Variants in ACADSB observed in about 807,000 individuals in gnomAD.
ACADSB encodes short/branched chain specific acyl-CoA dehydrogenase, mitochondrial.
ACADSB carries 40 observed loss-of-function variants against 54.1 expected under a neutral mutation model. The observed-to-expected ratio is 0.74, with a 90% CI of 0.57 to 0.96. The LOEUF is 0.96. Ranked by LOEUF, ACADSB falls within the 40% of genes least tolerant of loss-of-function variation. The pLI is 0.00. For missense variants in ACADSB, 530 were observed against 510.4 expected (o/e 1.04, Z -0.37); for synonymous variants, 182 against 182.8 (o/e 1.00, Z 0.03).
In ACADSB at chr10:123,056,096, C is replaced by G. The variant is rs7079265; in HGVS notation, c.*2331C>G. On this transcript the variant is annotated 3_prime_UTR_variant, in exon 11 of 11. Coordinates refer to ENST00000358776, the MANE Select transcript of ACADSB (RefSeq NM_001609.4). The stretch of plus-strand genomic sequence containing the variant: ...TCTGAGCCCTTCAAACTGTTCCAAC[C>G]TCTGCCTGTTACCCAGTTCCAAACT... 31,773 of 156,830 alleles carry G rather than the reference C, an allele frequency of 0.2. 3,505 individuals are homozygous for G. Among genetic ancestry groups the G allele is most frequent in the South Asian group, 0.28 (1,435 of 5,106 alleles). The allele number at this position is 156,830 out of a possible 1,614,324, so 9.7% of individuals were successfully genotyped here.
In ACADSB at chr10:123,052,066, T is replaced by C. The variant is rs1197940667; in HGVS notation, c.1128+880T>C. 6.6e-6 allele frequency among the ~76,000 whole-genome samples: 1 copy of C among 152,188 alleles called. No homozygotes were observed. Among genetic ancestry groups the C allele is most frequent in the East Asian group, 1.9e-4 (1 of 5,194 alleles). On this transcript the variant is annotated intron_variant, in intron 9 of 10. Coordinates refer to ENST00000358776, the MANE Select transcript of ACADSB (RefSeq NM_001609.4). The surrounding 1 kb of genome is among the most constrained non-coding windows in gnomAD (Gnocchi z 4.2). ...TTCCTCCCATCCAGCCTCTCTCCTT[T>C]TTCAAAGTGGCAGTGAGGCCATGTC...
chr10:123,051,230 C>CTTTTT, intron 9 of ACADSB, 44 bp downstream of exon 9: 7 of 985,416 alleles, frequency 7.1e-6, no homozygotes, highest in South Asian at 1.9e-5. Flanking sequence ...GTAATTCAGC[C>CTTTTT]TTTTTTTTTT....
chr10:123,057,306 A>C lies in ACADSB; in HGVS notation c.*3541A>C, dbSNP rs539100671. On this transcript the variant is annotated 3_prime_UTR_variant, in exon 11 of 11. Coordinates refer to ENST00000358776, the MANE Select transcript of ACADSB (RefSeq NM_001609.4). ...TATGTATATTTTGTGCATATTCACC[A>C]ATAACAGTTAAAATTAATTATGTGT... 1.3e-5 allele frequency: 2 copies of C among 152,272 alleles called. No individual in the cohort carries two copies. Among genetic ancestry groups the C allele is most frequent in the Non-Finnish European group, 2.9e-5 (2 of 68,048 alleles). 9.4% of individuals were successfully genotyped at this position (152,272 alleles called of 1,614,324 possible). A position where few individuals can be genotyped will look rare whatever the true frequency, so the allele number is the denominator to read the frequency against.
intron 1 of ACADSB, chr10:123,027,560 A>G (rs1384136436): frequency 8.8e-6 from 4 of 455,432 alleles, no homozygotes; most frequent in Admixed American, 2.4e-5. Context: ...GCCTCCTGCC[A>G]TGGTTCAGAG....
rs1456965720 is a variant in ACADSB, at chr10:123,054,437, A to T, written c.*672A>T. 1 of 152,236 alleles carries T rather than the reference A, an allele frequency of 6.6e-6. No individual in the cohort carries two copies. The highest frequency in any genetic ancestry group is 2.4e-5 in the African/African-American group (1 of 41,464). The allele number at this position is 152,236 out of a possible 1,614,324, so 9.4% of individuals were successfully genotyped here. On this transcript the variant is annotated 3_prime_UTR_variant, in exon 11 of 11. Coordinates refer to ENST00000358776, the MANE Select transcript of ACADSB (RefSeq NM_001609.4). ...ATAGAAATAGTTTATATTCCTATTA[A>T]ATCTTAATCTTGTGGCATCAGGGAA... is the stretch of plus-strand genomic sequence containing the variant.
At chr10:123,031,410 A>C (rs983253743) in intron 1 of ACADSB, among the ~76,000 whole-genome samples, 1 of 152,250 alleles carries the variant, frequency 6.6e-6, no homozygotes, top group Non-Finnish European at 1.5e-5. Context: ...AATAGCCATT[A>C]TTCCATTCAA....
At position 123,054,036 on chromosome 10, in the gene ACADSB, A is replaced by G. The variant is rs1022083451; in HGVS notation, c.*271A>G. 2 of 504,878 alleles carry G rather than the reference A, an allele frequency of 4.0e-6. No homozygotes were observed. Among genetic ancestry groups the G allele is most frequent in the East Asian group, 3.6e-5 (1 of 27,428 alleles). The allele number at this position is 504,878 out of a possible 1,614,324, so 31.3% of individuals were successfully genotyped here. On this transcript the variant is annotated 3_prime_UTR_variant, in exon 11 of 11. Transcript: ENST00000358776. ...TTTTTAAAGCTGTATACGCATACAT[A>G]TATATATTTTTACTCTGTCTTACTC...
At chr10:123,009,643 C>G (rs1027463328) in intron 1 of ACADSB, among the ~76,000 whole-genome samples, 1 of 152,170 alleles carries the variant, frequency 6.6e-6, no homozygotes, top group Admixed American at 6.5e-5. Context: ...ATGTCTGGAG[C>G]CTGGGTATCT....
chr10:123,045,222 A>C (rs1268656799), intron 7 of ACADSB, among the ~76,000 whole-genome samples: 1 of 106,104 alleles, frequency 9.4e-6, no homozygotes, highest in African/African-American at 3.7e-5. Flanking sequence ...TCTGTTGCCC[A>C]GGCCGGAGTG....
At chr10:123,042,011 G>A (rs2133482390) in intron 5 of ACADSB, among the ~76,000 whole-genome samples, 1 of 149,594 alleles carries the variant, frequency 6.7e-6, no homozygotes, top group East Asian at 2.0e-4. Flanking sequence ...TATCTCCTAG[G>A]CTGGAGTGCA....
chr10:123,057,064 C>A lies in ACADSB; in HGVS notation c.*3299C>A, dbSNP rs116019965. The A allele has an allele frequency of 6.5e-6, 1 of 152,704 alleles. No individual in the cohort carries two copies. The allele number at this position is 152,704 out of a possible 1,614,324, so 9.5% of individuals were successfully genotyped here. Reference sequence around the variant, plus strand: ...ACATGGATGAAATGCCCTACAGGGGCCTTGGACATCTTTAATTTCTGCGAT... The same window carrying A: ...ACATGGATGAAATGCCCTACAGGGGACTTGGACATCTTTAATTTCTGCGAT... On this transcript the variant is annotated 3_prime_UTR_variant, in exon 11 of 11. Coordinates refer to ENST00000358776, the MANE Select transcript of ACADSB (RefSeq NM_001609.4).
At chr10:123,012,784 A>G (rs1348223382) in intron 1 of ACADSB, among the ~76,000 whole-genome samples, 2 of 152,176 alleles carry the variant, frequency 1.3e-5, no homozygotes, top group African/African-American at 4.8e-5. Flanking sequence ...CAGCGGCAAG[A>G]TTTATTGCAA....
At chr10:123,038,546 A>G (rs1850428740) in intron 3 of ACADSB, among the ~76,000 whole-genome samples, 1 of 152,162 alleles carries the variant, frequency 6.6e-6, no homozygotes, top group Non-Finnish European at 1.5e-5. Flanking sequence ...AAATCACTGC[A>G]CGCATCATTT....
At chr10:123,030,882 A>G (rs1850317930) in intron 1 of ACADSB, among the ~76,000 whole-genome samples, 1 of 152,242 alleles carries the variant, frequency 6.6e-6, no homozygotes. Context: ...AGTAAAGTTT[A>G]TAGACCTTTT....
Position 123,037,783 on chromosome 10 carries a change from T to G in ACADSB, c.239T>G (p.Val80Gly). ...GCTCAGGAACAAATTGCACCTTTGGTTTCAACCATGGATGAAAATTCGAAA... is the reference window on the plus strand; with the variant it reads ...GCTCAGGAACAAATTGCACCTTTGGGTTCAACCATGGATGAAAATTCGAAA... ...KFAQEQIAPL[V>G]STMDENSKME... The change falls in exon 3 of 11, where the codon GTT becomes GGT. Residue 80 changes from valine (V) to glycine (G), a missense_variant. Transcript: ENST00000358776. 6.2e-7 allele frequency: 1 copy of G among 1,612,546 alleles called. No homozygotes were observed. The highest frequency in any genetic ancestry group is 8.5e-7 in the Non-Finnish European group (1 of 1,178,768).
intron 8 of ACADSB, among the ~76,000 whole-genome samples, chr10:123,050,281 T>C (rs767317542): frequency 3.3e-5 from 5 of 152,210 alleles, no homozygotes; most frequent in Non-Finnish European, 5.9e-5. Flanking sequence ...TGCTGGACTA[T>C]GTATTATAAA....
rs1161316067 is a variant in ACADSB at position 123,052,213 on chromosome 10, T to G, written c.1129-848T>G. On this transcript the variant is annotated intron_variant, in intron 9 of 10. Transcript: ENST00000358776. This position sits in a 1 kb window ranked among gnomAD's most constrained non-coding sequence, Gnocchi z 4.2. ...GGGGACCTAAAACAACGCAGTTTCA[T>G]TTTCTGTCACTTCTAGAGGTCAGAA... Among the ~76,000 whole-genome samples, 1 of 152,202 alleles carries G rather than the reference T, an allele frequency of 6.6e-6. No individual in the cohort carries two copies. The highest frequency in any genetic ancestry group is 2.4e-5 in the African/African-American group (1 of 41,462).
At chr10:123,012,859 G>A (rs1436825428) in intron 1 of ACADSB, among the ~76,000 whole-genome samples, 3 of 152,140 alleles carry the variant, frequency 2.0e-5, no homozygotes, top group Admixed American at 6.5e-5. Flanking sequence ...CTGCTGGCTC[G>A]GCAGCCTGAT....
At chr10:123,034,942 T>C (rs1850377527) in intron 2 of ACADSB, among the ~76,000 whole-genome samples, 1 of 146,484 alleles carries the variant, frequency 6.8e-6, no homozygotes, top group South Asian at 2.2e-4. Context: ...TTTCTTTCTT[T>C]CTTTCTTTTT....
Sources: allele counts gnomAD v4.1 joint callset (sites outside exome capture counted in the v4.1 genomes callset), GRCh38; gene constraint gnomAD v4.1.1; non-coding constraint Gnocchi (gnomAD v3.1); transcripts MANE v1.5; gene names NCBI Gene and HGNC (gene_info 2026-07-23, HGNC 2026-07-21).